LCLAT1: variants seen among roughly 807,000 people sequenced by gnomAD.
LCLAT1 encodes 1-AGP acyltransferase 8.
In LCLAT1, 11 loss-of-function variants were observed where a neutral mutation model predicts 30.7. The observed-to-expected ratio is 0.36, with a 90% CI of 0.23 to 0.59. The LOEUF is 0.59. Ranked by LOEUF, LCLAT1 falls within the 20% of genes least tolerant of loss-of-function variation. The pLI is 0.77. For synonymous variants in LCLAT1, 155 were observed against 151.3 expected (o/e 1.02, Z -0.18); for missense variants, 402 against 458.6 (o/e 0.88, Z 1.13).
rs540190884 is a variant in LCLAT1, at chr2:30,465,123, T to C, written c.-5+17740T>C. Among the ~76,000 whole-genome samples, 5 of 152,274 alleles carry C rather than the reference T, an allele frequency of 3.3e-5. No individual in the cohort carries two copies. In the South Asian group the frequency reaches 1.0e-3, roughly 32 times the overall value. ...ATGTTACCTTGTATGTTAAAAAAAATGGTTTTTGTAATTAAATTGAGGATC... is the reference window on the plus strand; with the variant it reads ...ATGTTACCTTGTATGTTAAAAAAAACGGTTTTTGTAATTAAATTGAGGATC... On this transcript the variant is annotated intron_variant, in intron 1 of 5. Transcript: ENST00000379509.
chr2:30,469,856 G>A (rs1460143931), intron 1 of LCLAT1, among the ~76,000 whole-genome samples: 1 of 152,026 alleles, frequency 6.6e-6, no homozygotes, highest in Non-Finnish European at 1.5e-5. Context: ...GCCTCCCAAA[G>A]TGCTGAGATT....
chr2:30,524,878 G>C (rs986132482), intron 1 of LCLAT1, among the ~76,000 whole-genome samples: 3 of 152,096 alleles, frequency 2.0e-5, no homozygotes, highest in African/African-American at 7.2e-5. Context: ...TCTACTGGGG[G>C]TCTTGGAATG....
chr2:30,598,696 T>A (rs4021130), intron 5 of LCLAT1, among the ~76,000 whole-genome samples: 1,781 of 152,022 alleles, frequency 0.012, 15 homozygotes, highest in Non-Finnish European at 0.02. Context: ...TTCTGCTAGC[T>A]TTGGAGTGTG....
chr2:30,574,035 G>A (rs962784848), intron 5 of LCLAT1, among the ~76,000 whole-genome samples: 1 of 151,926 alleles, frequency 6.6e-6, no homozygotes, highest in African/African-American at 2.4e-5. Flanking sequence ...CCAGATATTC[G>A]GGAGGCTGAG....
chr2:30,538,989 T>C (rs1663969305), intron 3 of LCLAT1, among the ~76,000 whole-genome samples: 1 of 151,116 alleles, frequency 6.6e-6, no homozygotes, highest in African/African-American at 2.4e-5. Flanking sequence ...AGATGTAGTC[T>C]GGCTCTGTCA....
intron 4 of LCLAT1, among the ~76,000 whole-genome samples, chr2:30,562,527 C>CA (rs967471590): frequency 2.0e-5 from 3 of 151,872 alleles, no homozygotes; most frequent in African/African-American, 7.3e-5. Flanking sequence ...CAAAACAAAA[C>CA]AGAAAAATTA....
At chr2:30,552,309 C>T (rs922421339) in intron 3 of LCLAT1, among the ~76,000 whole-genome samples, 15 of 152,174 alleles carry the variant, frequency 9.9e-5, no homozygotes, top group Non-Finnish European at 1.5e-4. Context: ...TTTTTACTGT[C>T]TGCATGTGTA....
intron 2 of LCLAT1, among the ~76,000 whole-genome samples, chr2:30,527,602 C>T (rs543954108): frequency 6.6e-6 from 1 of 152,276 alleles, no homozygotes; most frequent in South Asian, 2.1e-4. Flanking sequence ...TTTGGTTTCA[C>T]TATTGGCCTT....
chr2:30,471,999 T>A (rs552100514), intron 1 of LCLAT1, among the ~76,000 whole-genome samples: 3 of 152,222 alleles, frequency 2.0e-5, no homozygotes, highest in Non-Finnish European at 4.4e-5. Context: ...TGAACATCAT[T>A]GTCATGAACC....
chr2:30,588,286 C>A lies in LCLAT1; in HGVS notation c.628+20110C>A, dbSNP rs868145199. On this transcript the variant is annotated intron_variant, in intron 5 of 5. Coordinates refer to ENST00000379509, the MANE Select transcript of LCLAT1 (RefSeq NM_001002257.3). ...ACCTCCTTCAGCTTTTAATTCAAAT[C>A]TTCTTTCTCTAGGACTCAGACCATA... is the stretch of plus-strand genomic sequence containing the variant. 2.7e-5 allele frequency among the ~76,000 whole-genome samples: 4 copies of A among 150,212 alleles called. No homozygotes were observed. The South Asian group carries it at 6.2e-4, about 23-fold the overall frequency.
At chr2:30,613,100 T>A (rs1357910995) in intron 5 of LCLAT1, among the ~76,000 whole-genome samples, 1 of 152,072 alleles carries the variant, frequency 6.6e-6, no homozygotes, top group Admixed American at 6.6e-5. Context: ...ATGTGCCTAG[T>A]GTGTTCAAAG....
intron 5 of LCLAT1, among the ~76,000 whole-genome samples, chr2:30,594,714 T>C (rs2148482442): frequency 6.6e-6 from 1 of 152,306 alleles, no homozygotes; most frequent in East Asian, 1.9e-4. Flanking sequence ...TGTAATCTTT[T>C]TTTCTGTTCT....
intron 5 of LCLAT1, among the ~76,000 whole-genome samples, chr2:30,570,407 A>G (rs1558527259): frequency 6.6e-6 from 1 of 152,258 alleles, no homozygotes; most frequent in Admixed American, 6.5e-5. Context: ...ATAGTATAGC[A>G]GCTAACGTTA....
At position 30,492,376 on chromosome 2, in the gene LCLAT1, G is replaced by A. The variant is rs142442008; in HGVS notation, c.-4-33211G>A. Reference sequence around the variant, plus strand: ...GAATTTCCTTGAGAGGAGTAAAGCGGGTATATGAGCAAATGCTTAGACATG... The same window carrying A: ...GAATTTCCTTGAGAGGAGTAAAGCGAGTATATGAGCAAATGCTTAGACATG... On this transcript the variant is annotated intron_variant, in intron 1 of 5. Coordinates refer to ENST00000379509, the MANE Select transcript of LCLAT1 (RefSeq NM_001002257.3). 6.4e-3 allele frequency among the ~76,000 whole-genome samples: 972 copies of A among 152,162 alleles called. 8 individuals carry two copies. Among genetic ancestry groups the A allele is most frequent in the Admixed American group, 0.01 (158 of 15,290 alleles).
At chr2:30,465,659 G>A (rs900616964) in intron 1 of LCLAT1, among the ~76,000 whole-genome samples, 1 of 152,084 alleles carries the variant, frequency 6.6e-6, no homozygotes, top group Admixed American at 6.5e-5. Flanking sequence ...TGAATAACAG[G>A]CTAAACACTC....
chr2:30,465,398 C>T (rs1355617906), intron 1 of LCLAT1, among the ~76,000 whole-genome samples: 1 of 152,116 alleles, frequency 6.6e-6, no homozygotes, highest in Non-Finnish European at 1.5e-5. Flanking sequence ...TGCTTTTGTT[C>T]TAATGATACT....
chr2:30,541,248 A>T (rs1302946158), intron 3 of LCLAT1, among the ~76,000 whole-genome samples: 1 of 151,972 alleles, frequency 6.6e-6, no homozygotes, highest in African/African-American at 2.4e-5. Flanking sequence ...TGTCTTGCTT[A>T]CTCTGGTCTA....
rs1456486694 is a variant in LCLAT1, at chr2:30,643,798, G to T, written c.*3179G>T. 1 of 152,616 alleles carries T rather than the reference G, an allele frequency of 6.6e-6. No individual in the cohort carries two copies. Among genetic ancestry groups the T allele is most frequent in the African/African-American group, 2.4e-5 (1 of 41,434 alleles). 9.5% of individuals were successfully genotyped at this position (152,616 alleles called of 1,614,324 possible). On this transcript the variant is annotated 3_prime_UTR_variant, in exon 6 of 6. Transcript: ENST00000379509. ...CTCCCTTTCTGTTTCTTGTTCCAAG[G>T]ATTCTGTAGTATGTAGTGTGTTTCT...
rs552987239 is a variant in LCLAT1 at position 30,512,566 on chromosome 2, A to G, written c.-4-13021A>G. Reference sequence around the variant, plus strand: ...TTTGTGGCATAATCTTGAGTTTACTATGCCCCTCTGTTGAAATCAGACCTA... The same window carrying G: ...TTTGTGGCATAATCTTGAGTTTACTGTGCCCCTCTGTTGAAATCAGACCTA... On this transcript the variant is annotated intron_variant, in intron 1 of 5. Transcript: ENST00000379509. Among the ~76,000 whole-genome samples, 32 of 152,336 alleles carry G rather than the reference A, an allele frequency of 2.1e-4. No homozygotes were observed. The South Asian group carries it at 6.2e-3, about 30-fold the overall frequency.
Sources: gnomAD v4.1 joint callset for allele counts (sites outside exome capture counted in the v4.1 genomes callset) on GRCh38, gnomAD v4.1.1 for gene constraint, MANE v1.5 for transcripts, NCBI Gene and HGNC (gene_info 2026-07-23, HGNC 2026-07-21) for gene names.